SYN3: variants seen among roughly 807,000 people sequenced by gnomAD.
SYN3 encodes the protein synapsin III.
In SYN3, 35 loss-of-function variants were observed where a neutral mutation model predicts 65.8. The observed-to-expected ratio is 0.53, with a 90% CI of 0.41 to 0.70. The LOEUF (loss-of-function observed/expected upper bound fraction) is 0.70, where lower values mean the gene tolerates loss of function less well. SYN3 is among the 30% of genes least tolerant of loss of function. The probability of loss-of-function intolerance (pLI) is 0.00; values close to 1 mark genes in which losing one functional copy is unlikely to be tolerated. For missense variants in SYN3, 680 were observed against 749.0 expected, an observed-to-expected ratio of 0.91 and a Z score of 1.08; for synonymous variants, 270 against 292.9, an observed-to-expected ratio of 0.92 and a Z score of 0.80.
intron 6 of SYN3, among the ~76,000 whole-genome samples, chr22:32,806,759 T>G (rs1601402146): frequency 6.6e-6 from 1 of 151,796 alleles, no homozygotes; most frequent in Non-Finnish European, 1.5e-5. Flanking sequence ...ATATCTATGA[T>G]ATATCCATTT....
chr22:32,601,836 G>A (rs2059288295), intron 6 of SYN3, among the ~76,000 whole-genome samples: 1 of 152,170 alleles, frequency 6.6e-6, no homozygotes, highest in African/African-American at 2.4e-5. Flanking sequence ...AAGGGCCAGG[G>A]GCCAGTTTGG....
At chr22:32,587,872 A>G (rs73881741) in intron 7 of SYN3, among the ~76,000 whole-genome samples, 10,153 of 152,138 alleles carry the variant, frequency 0.067, 365 homozygotes, top group Middle Eastern at 0.078. Flanking sequence ...CAAACCCTGT[A>G]CCTGCATGGC....
intron 6 of SYN3, among the ~76,000 whole-genome samples, chr22:32,856,505 G>A (rs1366363138): frequency 6.6e-6 from 1 of 152,124 alleles, no homozygotes; most frequent in Non-Finnish European, 1.5e-5. Context: ...TGGGTACTGA[G>A]ACTCCTCTCC....
intron 7 of SYN3, among the ~76,000 whole-genome samples, chr22:32,569,555 C>CTGTATATA (rs1230609085): frequency 1.1e-3 from 125 of 109,744 alleles, no homozygotes; most frequent in African/African-American, 4.1e-3. Flanking sequence ...CTCTCTCTCT[C>CTGTATATA]TCTCTCTCTC....
intron 3 of SYN3, among the ~76,000 whole-genome samples, chr22:32,932,634 C>T (rs1233055424): frequency 2.0e-5 from 3 of 152,068 alleles, no homozygotes; most frequent in Non-Finnish European, 2.9e-5. Flanking sequence ...GTGAGTTCAT[C>T]TTTTGGGTTG....
chr22:32,710,714 G>A (rs1291682094), intron 6 of SYN3, among the ~76,000 whole-genome samples: 1 of 151,368 alleles, frequency 6.6e-6, no homozygotes, highest in Non-Finnish European at 1.5e-5. Flanking sequence ...CTGGCCATGT[G>A]AGACATCTGG....
At chr22:32,807,388 AT>A (rs1455693404) in intron 6 of SYN3, among the ~76,000 whole-genome samples, 8 of 101,664 alleles carry the variant, frequency 7.9e-5, no homozygotes, top group Non-Finnish European at 1.5e-4. Flanking sequence ...AATATATATT[AT>A]ATATAATATA....
intron 4 of SYN3, among the ~76,000 whole-genome samples, chr22:32,873,770 C>T (rs1408574130): frequency 1.3e-5 from 2 of 152,076 alleles, no homozygotes; most frequent in Admixed American, 6.6e-5. Context: ...TGAAGAAATC[C>T]CATTTGTAGC....
intron 6 of SYN3, among the ~76,000 whole-genome samples, chr22:32,820,133 C>T (rs1005098641): frequency 6.6e-6 from 1 of 152,032 alleles, no homozygotes; most frequent in Admixed American, 6.6e-5. Context: ...AGAGTCAGCC[C>T]TCTCATCCTA....
intron 7 of SYN3, among the ~76,000 whole-genome samples, chr22:32,572,561 C>A (rs1448932032): frequency 7.5e-6 from 1 of 133,944 alleles, no homozygotes; most frequent in Non-Finnish European, 1.6e-5. Flanking sequence ...CCTTCTCTTT[C>A]CTTCCTTCTC....
chr22:32,849,044 T>A (rs2048146824), intron 6 of SYN3, among the ~76,000 whole-genome samples: 1 of 151,772 alleles, frequency 6.6e-6, no homozygotes, highest in Non-Finnish European at 1.5e-5. Context: ...TAGAAAGGGG[T>A]CCTAGTGGAA....
In SYN3 at chr22:32,511,193, C is replaced by A. The variant is rs2057687755; in HGVS notation, c.*2499G>T. Among the ~76,000 whole-genome samples, 3 of 152,080 alleles carry A rather than the reference C, an allele frequency of 2.0e-5. No homozygotes were observed. The South Asian group carries it at 6.2e-4, about 32-fold the overall frequency. On this transcript the variant is annotated 3_prime_UTR_variant, in exon 14 of 14. Coordinates refer to ENST00000358763, the MANE Select transcript of SYN3 (RefSeq NM_003490.4). ...CCCACTTGGCTTTCTTCAGAAATTCCAAGGGAGTGGTGAAAGAATTAAGTG... is the reference window on the plus strand; with the variant it reads ...CCCACTTGGCTTTCTTCAGAAATTCAAAGGGAGTGGTGAAAGAATTAAGTG...
chr22:32,847,192 C>G (rs1220146857), intron 6 of SYN3, among the ~76,000 whole-genome samples: 1 of 152,186 alleles, frequency 6.6e-6, no homozygotes, highest in Non-Finnish European at 1.5e-5. Context: ...GCAGACATGC[C>G]TCTGCACGGA....
intron 6 of SYN3, among the ~76,000 whole-genome samples, chr22:32,666,424 C>T (rs2060290914): frequency 6.6e-6 from 1 of 152,196 alleles, no homozygotes; most frequent in South Asian, 2.1e-4. Flanking sequence ...CCTTTGTCCC[C>T]TCTCTCACTC....
At chr22:32,753,217 T>C (rs771286425) in intron 6 of SYN3, among the ~76,000 whole-genome samples, 2 of 152,104 alleles carry the variant, frequency 1.3e-5, no homozygotes, top group Non-Finnish European at 2.9e-5. Flanking sequence ...TCAGGTTGTA[T>C]GAAAGGTCAA....
chr22:32,861,794 A>G (rs1400884947), intron 6 of SYN3: 1 of 152,650 alleles, frequency 6.6e-6, no homozygotes, highest in East Asian at 1.9e-4. Context: ...TCACCCGTTC[A>G]CTTACTGTAT....
At chr22:32,604,017 T>C (rs2059326686) in intron 6 of SYN3, among the ~76,000 whole-genome samples, 2 of 152,182 alleles carry the variant, frequency 1.3e-5, no homozygotes, top group African/African-American at 4.8e-5. Context: ...GGGTGTTCCC[T>C]TGGGAGGATT....
chr22:33,011,451 T>A (rs2053348786), intron 1 of SYN3, among the ~76,000 whole-genome samples: 3 of 152,204 alleles, frequency 2.0e-5, no homozygotes, highest in Non-Finnish European at 4.4e-5. Context: ...ATTACCCTTT[T>A]TATATATTGG....
intron 6 of SYN3, among the ~76,000 whole-genome samples, chr22:32,643,788 G>A (rs888659935): frequency 2.0e-5 from 3 of 151,802 alleles, no homozygotes; most frequent in Non-Finnish European, 4.4e-5. Context: ...CTGAGAGGAT[G>A]TGCTTAAAGA....
Sources: allele counts gnomAD v4.1 joint callset (sites outside exome capture counted in the v4.1 genomes callset), GRCh38; gene constraint gnomAD v4.1.1; transcripts MANE v1.5; gene names NCBI Gene and HGNC (gene_info 2026-07-23, HGNC 2026-07-21).